Variants in DNAJC13 observed in about 807,000 individuals in gnomAD.
DNAJC13 encodes DnaJ heat shock protein family (Hsp40) member C13, also known as dnaJ homolog subfamily C member 13.
In DNAJC13, 75 loss-of-function variants were observed where a neutral mutation model predicts 290.5. That is an observed-to-expected ratio of 0.26 (90% CI 0.21 to 0.31). DNAJC13 has a LOEUF of 0.31. DNAJC13 is among the 10% of genes least tolerant of loss of function. The pLI, the probability that DNAJC13 is intolerant of heterozygous loss-of-function variation, is 1.00. For synonymous variants in DNAJC13, 862 were observed against 892.0 expected (o/e 0.97, Z 0.60); for missense variants, 2,260 against 2,674.5 (o/e 0.85, Z 3.42).
At chr3:132,476,234 A>G (rs1256195862) in intron 22 of DNAJC13, among the ~76,000 whole-genome samples, 1 of 152,150 alleles carries the variant, frequency 6.6e-6, no homozygotes, top group East Asian at 1.9e-4. Flanking sequence ...TCATAATTGG[A>G]TATCTGATAA....
chr3:132,523,784 C>T, intron 51 of DNAJC13, 71 bp downstream of exon 51: 6 of 1,450,304 alleles, frequency 4.1e-6, no homozygotes, highest in Non-Finnish European at 5.6e-6. Flanking sequence ...CTCTTACAAC[C>T]TTATTCACAA....
At position 132,504,876 on chromosome 3, in the gene DNAJC13, A is replaced by G. The variant is rs139880959; in HGVS notation, c.4885-426A>G. Among the ~76,000 whole-genome samples the G allele has an allele frequency of 6.3e-3, 955 of 152,290 alleles. 13 individuals are homozygous for G. The highest frequency in any genetic ancestry group is 0.022 in the African/African-American group (915 of 41,564). Reference sequence around the variant, plus strand: ...CCATAAATTTTATTTTCCTTCATACAGGTATGCTTCTTAAAGACTTAGGTT... The same window carrying G: ...CCATAAATTTTATTTTCCTTCATACGGGTATGCTTCTTAAAGACTTAGGTT... On this transcript the variant is annotated intron_variant, in intron 41 of 55. Coordinates refer to ENST00000260818, the MANE Select transcript of DNAJC13 (RefSeq NM_015268.4).
rs200795662 is a variant in DNAJC13, at chr3:132,523,209, A to G, written c.5886+10A>G. On this transcript the variant is annotated intron_variant, in intron 50 of 55. Transcript: ENST00000260818. The stretch of plus-strand genomic sequence containing the variant: ...TGAGGCAAACTGGAAGGTAAAATAT[A>G]CTTTTATTTTACATCTTATTTTCTG... 398 of 1,613,486 alleles carry G rather than the reference A, an allele frequency of 2.5e-4. 6 individuals carry two copies. In the Admixed American group the frequency reaches 6.3e-3, roughly 26 times the overall value.
intron 45 of DNAJC13, among the ~76,000 whole-genome samples, chr3:132,514,213 A>G (rs1278841203): frequency 2.6e-5 from 4 of 152,146 alleles, no homozygotes; most frequent in African/African-American, 9.7e-5. Flanking sequence ...ACCCCAATCT[A>G]TTGTGCAGGG....
chr3:132,434,741 C>T (rs1382086198), intron 2 of DNAJC13, 123 bp downstream of exon 2: 1 of 601,744 alleles, frequency 1.7e-6, no homozygotes, highest in East Asian at 3.2e-5. Flanking sequence ...TTCTGAAAAA[C>T]GTGCATATTA....
intron 45 of DNAJC13, among the ~76,000 whole-genome samples, chr3:132,514,166 A>G (rs1935853699): frequency 1.3e-5 from 2 of 152,124 alleles, no homozygotes; most frequent in Non-Finnish European, 2.9e-5. Flanking sequence ...TCCTTTCTGA[A>G]AGAAAAACAT....
At chr3:132,523,758 T>C (rs1395293751) in intron 51 of DNAJC13, 45 bp downstream of exon 51, 4 of 1,564,694 alleles carry the variant, frequency 2.6e-6, no homozygotes, top group Non-Finnish European at 2.6e-6. Flanking sequence ...CTTGGCTAAC[T>C]AGACTGATGG....
chr3:132,504,626 G>A (rs189767910), intron 41 of DNAJC13, among the ~76,000 whole-genome samples: 8 of 152,258 alleles, frequency 5.3e-5, no homozygotes, highest in Admixed American at 2.0e-4. Context: ...ATAAGATGGA[G>A]GTCATAGTCC....
intron 48 of DNAJC13, 46 bp from the exon 49 acceptor site, chr3:132,522,782 G>A (rs775429862): frequency 2.7e-6 from 4 of 1,458,600 alleles, no homozygotes; most frequent in Admixed American, 4.3e-5. Flanking sequence ...AAATATTGAG[G>A]TGTTTCCAAT....
At chr3:132,427,839 C>T (rs930864153) in intron 1 of DNAJC13, among the ~76,000 whole-genome samples, 30 of 152,264 alleles carry the variant, frequency 2.0e-4, no homozygotes, top group African/African-American at 6.5e-4. Context: ...CATAGCCCTT[C>T]GGGACAGTTA....
At chr3:132,472,471 A>G (rs1038071559) in intron 20 of DNAJC13, 1 of 719,610 alleles carries the variant, frequency 1.4e-6, no homozygotes, top group Non-Finnish European at 1.7e-6. Context: ...TTTTGTATTG[A>G]TGTGTAATAG....
In DNAJC13 at chr3:132,456,526, C is replaced by A; in HGVS notation, c.1125C>A (p.Phe375Leu). ...PPNGNFADAV[F>L]RFNANISYSG... ...ATGGCAACTTTGCAGATGCTGTATTCAGGTTCAATGCTAATATTTCATACA... is the reference window on the plus strand; with the variant it reads ...ATGGCAACTTTGCAGATGCTGTATTAAGGTTCAATGCTAATATTTCATACA... Residue 375 changes from phenylalanine (F) to leucine (L), a missense_variant, in exon 11 of 56, where the codon TTC becomes TTA. By Grantham distance (22) the Phe-to-Leu change is conservative. Transcript: ENST00000260818. 1 of 1,613,896 alleles carries A rather than the reference C, an allele frequency of 6.2e-7. No individual in the cohort carries two copies. Among genetic ancestry groups the A allele is most frequent in the South Asian group, 1.1e-5 (1 of 91,032 alleles).
chr3:132,515,567 A>G (rs930411048), intron 46 of DNAJC13, among the ~76,000 whole-genome samples: 2 of 151,928 alleles, frequency 1.3e-5, no homozygotes, highest in African/African-American at 2.4e-5. Context: ...CTTGGTTTTC[A>G]GTAGCTTTGT....
rs2107736330 is a variant in DNAJC13, at chr3:132,515,606, G to T, written c.5486-816G>T. Among the ~76,000 whole-genome samples, 4 of 152,100 alleles carry T rather than the reference G, an allele frequency of 2.6e-5. No individual in the cohort carries two copies. In the Middle Eastern group the frequency reaches 0.014, roughly 517 times the overall value. On this transcript the variant is annotated intron_variant, in intron 46 of 55. Coordinates refer to ENST00000260818, the MANE Select transcript of DNAJC13 (RefSeq NM_015268.4). The stretch of plus-strand genomic sequence containing the variant: ...ACTTCAAACAATGTAAAACTAAACT[G>T]GTTGGTGAAGTAAAGGATGTTATGG...
At position 132,467,230 on chromosome 3, in the gene DNAJC13, A is replaced by G; in HGVS notation, c.2125A>G (p.Lys709Glu). ...GCAAAGACTAGCTGGAAAAGCTGCT[A>G]AAGAAGTTGAAAAATTTGCCAAAGA... ...EWQRLAGKAA[K>E]EVEKFAKEKV... The change falls in exon 20 of 56, where the codon AAA becomes GAA. Residue 709 changes from lysine (K) to glutamate (E), a missense_variant. Coordinates refer to ENST00000260818, the MANE Select transcript of DNAJC13 (RefSeq NM_015268.4). 2 of 1,613,990 alleles carry G rather than the reference A, an allele frequency of 1.2e-6. No individual in the cohort carries two copies. Among genetic ancestry groups the G allele is most frequent in the Non-Finnish European group, 1.7e-6 (2 of 1,179,920 alleles).
chr3:132,487,245 T>G (rs749536827), intron 29 of DNAJC13, among the ~76,000 whole-genome samples: 1 of 134,542 alleles, frequency 7.4e-6, no homozygotes, highest in Non-Finnish European at 1.8e-5. Flanking sequence ...TATTGTAAAT[T>G]AATTAATTAA....
intron 1 of DNAJC13, among the ~76,000 whole-genome samples, chr3:132,418,663 C>A (rs542905781): frequency 6.6e-6 from 1 of 152,148 alleles, no homozygotes; most frequent in Non-Finnish European, 1.5e-5. Context: ...GATGCTGTTG[C>A]GTCCTCTATG....
At chr3:132,431,077 T>A (rs906681362) in intron 1 of DNAJC13, among the ~76,000 whole-genome samples, 1 of 152,238 alleles carries the variant, frequency 6.6e-6, no homozygotes, top group African/African-American at 2.4e-5. Flanking sequence ...TCCAGAAGGT[T>A]TGACAAAACC....
At chr3:132,464,038 C>T (rs1052606761) in intron 17 of DNAJC13, among the ~76,000 whole-genome samples, 1 of 152,084 alleles carries the variant, frequency 6.6e-6, no homozygotes. Flanking sequence ...TTTCCCCGAC[C>T]TATTATCAGG....
Sources: gnomAD v4.1 joint callset for allele counts (sites outside exome capture counted in the v4.1 genomes callset) on GRCh38, gnomAD v4.1.1 for gene constraint, MANE v1.5 for transcripts, NCBI Gene and HGNC (gene_info 2026-07-23, HGNC 2026-07-21) for gene names.